The following ACLY variants were observed in gnomAD, a reference collection of about 807,000 sequenced individuals.
ACLY encodes ATP-citrate synthase.
In ACLY, 41 loss-of-function variants were observed where a neutral mutation model predicts 133.0. That is an observed-to-expected ratio of 0.31 (90% CI 0.24 to 0.40). The LOEUF (loss-of-function observed/expected upper bound fraction) is 0.40. ACLY is among the 10% of genes least tolerant of loss of function. ACLY has a pLI of 1.00. For missense variants in ACLY, 1,046 were observed against 1,453.8 expected, an observed-to-expected ratio of 0.72 and a Z score of 4.56; for synonymous variants, 495 against 549.3, an observed-to-expected ratio of 0.90 and a Z score of 1.38.
rs146590388 is a variant in ACLY at position 41,901,147 on chromosome 17, G to A, written c.1183+549C>T. 3.2e-3 allele frequency among the ~76,000 whole-genome samples: 477 copies of A among 151,174 alleles called. 2 individuals are homozygous for A. Among genetic ancestry groups the A allele is most frequent in the African/African-American group, 0.011 (455 of 41,158 alleles). ...TTTTTGTATTTTTTTTTTTGTAGAG[G>A]CAGGGTCTCGCCATGTTGCCCAGGC... On this transcript the variant is annotated intron_variant, in intron 11 of 28. Coordinates refer to ENST00000352035, the MANE Select transcript of ACLY (RefSeq NM_001096.3).
chr17:41,914,025 G>A, intron 1 of ACLY, 129 bp from the exon 2 acceptor site: 1 of 894,046 alleles, frequency 1.1e-6, no homozygotes, highest in Admixed American at 2.7e-5. Context: ...TCAAGAGGAA[G>A]GAAAAAATGC....
In ACLY at chr17:41,907,467, G is replaced by T. The variant is rs150561917; in HGVS notation, c.722C>A (p.Pro241His). 3.7e-5 allele frequency: 59 copies of T among 1,613,996 alleles called. No individual in the cohort carries two copies. In the East Asian group the frequency reaches 4.7e-4, roughly 13 times the overall value. Reference sequence around the variant, plus strand: ...CTCTGGATATGCCTCCCGCCCGAAGGGGGGAGGGAACTCGATGTCACCCCA... The same window carrying T: ...CTCTGGATATGCCTCCCGCCCGAAGTGGGGAGGGAACTCGATGTCACCCCA... ...VKWGDIEFPP[P>H]FGREAYPEEA... Residue 241 changes from proline (P) to histidine (H), a missense_variant, in exon 7 of 29, where the codon CCC (proline) becomes CAC (histidine). Pro to His is a moderately conservative substitution (Grantham distance 77). Transcript: ENST00000352035.
chr17:41,872,190 GGGGGGAACAAA>G lies in ACLY; in HGVS notation c.2643-19_2643-9del. On this transcript the variant is annotated splice_polypyrimidine_tract_variant and intron_variant, in intron 23 of 28. Coordinates refer to ENST00000352035, the MANE Select transcript of ACLY (RefSeq NM_001096.3). ...CAAGAGTACTTAGGCAACCTGGAGTGGGGGGAACAAAGGCCAGGAGATGGTCGACAAGGCCA... is the reference window on the plus strand; with the variant it reads ...CAAGAGTACTTAGGCAACCTGGAGTGGGCCAGGAGATGGTCGACAAGGCCA... 4 of 1,549,302 alleles carry G rather than the reference GGGGGGAACAAA, an allele frequency of 2.6e-6. No individual in the cohort carries two copies. The highest frequency in any genetic ancestry group is 3.6e-6 in the Non-Finnish European group (4 of 1,124,880).
At position 41,909,028 on chromosome 17, in the gene ACLY, C is replaced by T. The variant is rs576161746; in HGVS notation, c.577G>A (p.Glu193Lys). ...TCGAGGTAGGTGAAGTACAAGTCCTCGTAGAAATTGAAGAGGCCGGAGATA... is the reference window on the plus strand; with the variant it reads ...TCGAGGTAGGTGAAGTACAAGTCCTTGTAGAAATTGAAGAGGCCGGAGATA... ...SFISGLFNFY[E>K]DLYFTYLEIN... Residue 193 changes from glutamate (E) to lysine (K), a missense_variant, in exon 6 of 29, where the codon GAG becomes AAG. This residue lies in a region of ACLY where 227 missense variants were observed against 245.6 expected (regional missense o/e 0.92). Transcript: ENST00000352035. 4.3e-6 allele frequency: 7 copies of T among 1,613,324 alleles called. No individual in the cohort carries two copies. Among genetic ancestry groups the T allele is most frequent in the African/African-American group, 2.7e-5 (2 of 74,960 alleles).
chr17:41,868,436 C>CAA (rs10639270), intron 28 of ACLY, among the ~76,000 whole-genome samples: 16,280 of 102,784 alleles, frequency 0.16, 1,754 homozygotes, highest in East Asian at 0.19. Flanking sequence ...GACTCAGTCT[C>CAA]AAAAAAAAAA....
At chr17:41,901,553 A>G in intron 11 of ACLY, 143 bp downstream of exon 11, 1 of 688,610 alleles carries the variant, frequency 1.5e-6, no homozygotes, top group Admixed American at 2.4e-5. Flanking sequence ...GTGTTGGGAC[A>G]GGGAATGGAA....
At chr17:41,877,144 CCTT>C (rs2048782539) in intron 22 of ACLY, among the ~76,000 whole-genome samples, 1 of 151,368 alleles carries the variant, frequency 6.6e-6, no homozygotes, top group African/African-American at 2.4e-5. Flanking sequence ...CTCTCTCTCT[CCTT>C]TTTTTTTTTT....
intron 1 of ACLY, among the ~76,000 whole-genome samples, chr17:41,916,873 G>C (rs1048248044): frequency 5.9e-5 from 9 of 152,116 alleles, no homozygotes; most frequent in Non-Finnish European, 1.2e-4. Flanking sequence ...GGCCAGGCAC[G>C]GTGGCTTGCG....
chr17:41,878,251 G>A, intron 21 of ACLY, 55 bp from the exon 22 acceptor site: 1 of 1,280,804 alleles, frequency 7.8e-7, no homozygotes, highest in Non-Finnish European at 1.1e-6. Flanking sequence ...TTGGGCTCCT[G>A]TAAGACATCC....
Position 41,868,710 on chromosome 17 carries a change from A to G in ACLY, c.3210T>C (p.Ile1070=), listed in dbSNP as rs201306927. Residue 1070 remains isoleucine (I), a splice_region_variant and synonymous_variant, in exon 28 of 29, where the codon ATT becomes ATC. Transcript: ENST00000352035. ...IFVLGRSMGF[I]GHYLDQKRLK... ...TAAAACAACAACGAATGGACTCACC[A>G]ATGAACCCCATACTCCTTCCCAGCA... 5.7e-5 allele frequency: 92 copies of G among 1,613,704 alleles called. No homozygotes were observed. In the Middle Eastern group the frequency reaches 8.2e-4, roughly 14 times the overall value.
chr17:41,917,959 T>TGG (rs2144436697), intron 1 of ACLY, among the ~76,000 whole-genome samples: 1 of 152,340 alleles, frequency 6.6e-6, no homozygotes, highest in African/African-American at 2.4e-5. Context: ...GTAGGCTAGC[T>TGG]GGCCAAACTG....
rs1490724107 is a variant in ACLY at position 41,900,378 on chromosome 17, G to T, written c.1183+1318C>A. 4.2e-4 allele frequency among the ~76,000 whole-genome samples: 13 copies of T among 30,990 alleles called. No homozygotes were observed. In the East Asian group the frequency reaches 0.23, roughly 550 times the overall value. The allele number at this position is 30,990 out of a possible 152,430, so 20.3% of individuals were successfully genotyped here. Reference sequence around the variant, plus strand: ...ACTCCATCTCAAAATAAAAAAAAAAGAAAAAAAAGAAAAAAAATTAACCCT... The same window carrying T: ...ACTCCATCTCAAAATAAAAAAAAAATAAAAAAAAGAAAAAAAATTAACCCT... On this transcript the variant is annotated intron_variant, in intron 11 of 28. Coordinates refer to ENST00000352035, the MANE Select transcript of ACLY (RefSeq NM_001096.3).
chr17:41,901,707 A>C lies in ACLY; in HGVS notation c.1172T>G (p.Met391Arg). The change falls in exon 11 of 29, where the codon ATG (methionine) becomes AGG (arginine). Residue 391 changes from methionine to arginine, a missense_variant. Around this residue, in one of 4 missense-constraint regions of ACLY, gnomAD observed 575 missense variants for 804.2 expected, o/e 0.71. Transcript: ENST00000352035. Reference sequence around the variant, plus strand: ...GGTCCTCATCTTACCGACTTCTCCCATCACCCGTAAGCCCTCCTGATAGTT... The same window carrying C: ...GGTCCTCATCTTACCGACTTCTCCCCTCACCCGTAAGCCCTCCTGATAGTT... ...GPNYQEGLRV[M>R]GEVGKTTGIP... is the part of the protein sequence containing the mutation. 1 of 1,611,206 alleles carries C rather than the reference A, an allele frequency of 6.2e-7. No homozygotes were observed. Among genetic ancestry groups the C allele is most frequent in the Non-Finnish European group, 8.5e-7 (1 of 1,178,326 alleles).
chr17:41,879,676 A>AAAAAAAAAAAAAAAAAAAG (rs2048860008), intron 20 of ACLY, among the ~76,000 whole-genome samples: 1 of 128,076 alleles, frequency 7.8e-6, no homozygotes, highest in Non-Finnish European at 1.7e-5. Context: ...AAAAAAAAAA[A>AAAAAAAAAAAAAAAAAAAG]AAAAAAAAAA....
At chr17:41,924,213 C>T (rs916703155) in intron 1 of ACLY, among the ~76,000 whole-genome samples, 7 of 151,866 alleles carry the variant, frequency 4.6e-5, no homozygotes, top group Non-Finnish European at 8.8e-5. Flanking sequence ...GGCGTGATCT[C>T]GGCTCACTGC....
At chr17:41,894,563 A>G (rs1289141034) in intron 14 of ACLY, among the ~76,000 whole-genome samples, 1 of 151,898 alleles carries the variant, frequency 6.6e-6, no homozygotes, top group Non-Finnish European at 1.5e-5. Context: ...CTCAAAAAAA[A>G]AAACAACAAA....
At position 41,867,377 on chromosome 17, in the gene ACLY, AGAG is replaced by A. The variant is rs1567879036; in HGVS notation, c.*430_*432del. 1 of 150,822 alleles carries A rather than the reference AGAG, an allele frequency of 6.6e-6. No individual in the cohort carries two copies. The highest frequency in any genetic ancestry group is 1.5e-5 in the Non-Finnish European group (1 of 67,784). The allele number at this position is 150,822 out of a possible 1,614,324, so 9.3% of individuals were successfully genotyped here. On this transcript the variant is annotated 3_prime_UTR_variant, in exon 29 of 29. Transcript: ENST00000352035. Reference sequence around the variant, plus strand: ...AAGAAAGGGAAGTAAAAAAAAAAAAAGAGAGACATTGGGGTGCTTTAAATGTAT... The same window carrying A: ...AAGAAAGGGAAGTAAAAAAAAAAAAAAGACATTGGGGTGCTTTAAATGTAT...
At chr17:41,872,250 C>G in intron 23 of ACLY, 68 bp from the exon 24 acceptor site, 1 of 1,485,402 alleles carries the variant, frequency 6.7e-7, no homozygotes, top group South Asian at 1.2e-5. Flanking sequence ...CCCCATCTCC[C>G]TAAACAAGTC....
intron 4 of ACLY, among the ~76,000 whole-genome samples, chr17:41,909,950 C>T (rs1475476555): frequency 6.6e-6 from 1 of 152,216 alleles, no homozygotes; most frequent in African/African-American, 2.4e-5. Flanking sequence ...CCAACCCCAG[C>T]TGAGGGGTGG....
Sources: allele counts gnomAD v4.1 joint callset (sites outside exome capture counted in the v4.1 genomes callset), GRCh38; gene constraint gnomAD v4.1.1; regional missense constraint gnomAD v4.1.1; transcripts MANE v1.5; gene names NCBI Gene and HGNC (gene_info 2026-07-23, HGNC 2026-07-21).